Variants in TRIM58 observed in about 807,000 individuals in gnomAD.
TRIM58 encodes the protein E3 ubiquitin-protein ligase TRIM58.
In TRIM58, 38 loss-of-function variants were observed where a neutral mutation model predicts 34.1. That is an observed-to-expected ratio of 1.12 (90% CI 0.86 to 1.46). The LOEUF (loss-of-function observed/expected upper bound fraction) is 1.46. Ranked by LOEUF, TRIM58 falls within the 40% of genes most tolerant of loss-of-function variation. The pLI is 0.00. For missense variants in TRIM58, 677 were observed against 642.0 expected (o/e 1.05, Z -0.59); for synonymous variants, 273 against 275.7 (o/e 0.99, Z 0.10).
rs1245956876 is a variant in TRIM58 at position 247,878,187 on chromosome 1, A to ATAAG, written c.*1701_*1702insGTAA. ...CAAAAATAAATAAATAAATAAATAAATAAATAAATAAATAAATAAATATTA... is the reference window on the plus strand; with the variant it reads ...CAAAAATAAATAAATAAATAAATAAATAAGTAAATAAATAAATAAATAAATATTA... On this transcript the variant is annotated 3_prime_UTR_variant, in exon 6 of 6. Coordinates refer to ENST00000366481, the MANE Select transcript of TRIM58 (RefSeq NM_015431.4). The ATAAG allele has an allele frequency of 6.6e-6, 1 of 151,572 alleles. No individual in the cohort carries two copies. The highest frequency in any genetic ancestry group is 1.5e-5 in the Non-Finnish European group (1 of 67,964). The allele number at this position is 151,572 out of a possible 1,614,324, so 9.4% of individuals were successfully genotyped here.
intron 5 of TRIM58, among the ~76,000 whole-genome samples, chr1:247,874,418 C>T (rs1222163488): frequency 1.3e-5 from 2 of 152,148 alleles, no homozygotes; most frequent in Non-Finnish European, 2.9e-5. Flanking sequence ...GGATCTGCAC[C>T]CATGATCCAG....
chr1:247,876,758 G>T lies in TRIM58; in HGVS notation c.*269G>T. 4 of 444,706 alleles carry T rather than the reference G, an allele frequency of 9.0e-6. No homozygotes were observed. The highest frequency in any genetic ancestry group is 4.0e-5 in the Admixed American group (1 of 24,958). 27.5% of individuals were successfully genotyped at this position (444,706 alleles called of 1,614,324 possible). On this transcript the variant is annotated 3_prime_UTR_variant, in exon 6 of 6. Coordinates refer to ENST00000366481, the MANE Select transcript of TRIM58 (RefSeq NM_015431.4). ...TGTCTTCCTTCAAATTAATGACCTTGGATTACATAAGGATTTCTATGCATT... is the reference window on the plus strand; with the variant it reads ...TGTCTTCCTTCAAATTAATGACCTTTGATTACATAAGGATTTCTATGCATT...
chr1:247,872,954 G>A (rs1293327802), intron 5 of TRIM58, among the ~76,000 whole-genome samples: 2 of 152,212 alleles, frequency 1.3e-5, no homozygotes, highest in East Asian at 1.9e-4. Flanking sequence ...TCTGGGCCGG[G>A]CGCGGTGGCT....
intron 5 of TRIM58, among the ~76,000 whole-genome samples, chr1:247,868,331 C>CA (rs1171692726): frequency 3.3e-5 from 5 of 152,098 alleles, no homozygotes; most frequent in African/African-American, 4.8e-5. Context: ...CCCATACTGA[C>CA]AGAGCTCTAC....
At chr1:247,861,240 C>A (rs937943683) in intron 2 of TRIM58, among the ~76,000 whole-genome samples, 1 of 152,042 alleles carries the variant, frequency 6.6e-6, no homozygotes, top group Admixed American at 6.6e-5. Flanking sequence ...CACGTGTACA[C>A]ACACACACAG....
chr1:247,871,880 A>G (rs551144804), intron 5 of TRIM58, among the ~76,000 whole-genome samples: 1 of 151,984 alleles, frequency 6.6e-6, no homozygotes, highest in South Asian at 2.1e-4. Flanking sequence ...AGAGTATGCA[A>G]AGGGTAATGA....
In TRIM58 at chr1:247,876,217, T is replaced by TC. The variant is rs1275769615; in HGVS notation, c.1193dup (p.Ser399IlefsTer20). ...AGGGAATGAGTACATGGTCCTTGCC[T>TC]CCCCATCAGTGCCTCTTCTCCAACT... is the stretch of plus-strand genomic sequence containing the variant. On this transcript the variant is annotated frameshift_variant, in exon 6 of 6. Coordinates refer to ENST00000366481, the MANE Select transcript of TRIM58 (RefSeq NM_015431.4). LOFTEE classifies it low-confidence loss of function (END_TRUNC). 3.7e-6 allele frequency: 6 copies of TC among 1,614,220 alleles called. No individual in the cohort carries two copies. The highest frequency in any genetic ancestry group is 4.2e-6 in the Non-Finnish European group (5 of 1,180,034).
rs548527571 is a variant in TRIM58, at chr1:247,869,612, C to T, written c.871+1549C>T. Among the ~76,000 whole-genome samples the T allele has an allele frequency of 7.6e-4, 115 of 152,304 alleles. 2 individuals are homozygous for T. In the Middle Eastern group the frequency reaches 0.01, roughly 14 times the overall value. ...TGCCTCCTGCACTGTAGACCAAATA[C>T]GTACTTCACAGTATCATAGGCATGG... On this transcript the variant is annotated intron_variant, in intron 5 of 5. Transcript: ENST00000366481.
At chr1:247,865,431 T>C (rs1355418888) in intron 3 of TRIM58, among the ~76,000 whole-genome samples, 1 of 152,208 alleles carries the variant, frequency 6.6e-6, no homozygotes, top group African/African-American at 2.4e-5. Context: ...ATTGCTGTTT[T>C]TTAGGGATGG....
chr1:247,879,537 GAA>G lies in TRIM58; in HGVS notation c.*3050_*3051del, dbSNP rs1490051180. ...AAAGACCTCCCATTCAACTTAGAGTGAAAGTCAGAATCCTCACAGTGAATCCC... is the reference window on the plus strand; with the variant it reads ...AAAGACCTCCCATTCAACTTAGAGTGAGTCAGAATCCTCACAGTGAATCCC... On this transcript the variant is annotated 3_prime_UTR_variant, in exon 6 of 6. Coordinates refer to ENST00000366481, the MANE Select transcript of TRIM58 (RefSeq NM_015431.4). Among the ~76,000 whole-genome samples, 1 of 151,998 alleles carries G rather than the reference GAA, an allele frequency of 6.6e-6. No individual in the cohort carries two copies. Among genetic ancestry groups the G allele is most frequent in the Non-Finnish European group, 1.5e-5 (1 of 68,020 alleles).
At position 247,876,556 on chromosome 1, in the gene TRIM58, A is replaced by G. The variant is rs1659295080; in HGVS notation, c.*67A>G. 2 of 1,280,334 alleles carry G rather than the reference A, an allele frequency of 1.6e-6. No individual in the cohort carries two copies. The highest frequency in any genetic ancestry group is 2.3e-5 in the Admixed American group (1 of 44,012). The allele number at this position is 1,280,334 out of a possible 1,614,324, so 79.3% of individuals were successfully genotyped here. A position where few individuals can be genotyped will look rare whatever the true frequency, so the allele number is the denominator to read the frequency against. On this transcript the variant is annotated 3_prime_UTR_variant, in exon 6 of 6. Transcript: ENST00000366481. Reference sequence around the variant, plus strand: ...CTGGAGTGGGGTGAAGGATATCAATATACTAAGTTTTAACAGATACCCCAT... The same window carrying G: ...CTGGAGTGGGGTGAAGGATATCAATGTACTAAGTTTTAACAGATACCCCAT...
chr1:247,874,889 A>AAT (rs1370354073), intron 5 of TRIM58, among the ~76,000 whole-genome samples: 9 of 152,164 alleles, frequency 5.9e-5, no homozygotes, highest in Non-Finnish European at 1.2e-4. Context: ...TTGTTGGCAT[A>AAT]ATACAATTCT....
chr1:247,858,516 G>C (rs1663693592), intron 1 of TRIM58, among the ~76,000 whole-genome samples: 1 of 152,018 alleles, frequency 6.6e-6, no homozygotes, highest in Non-Finnish European at 1.5e-5. Flanking sequence ...TGTCAGTCGC[G>C]CTGTAGTGCA....
rs1572566622 is a variant in TRIM58 at position 247,857,404 on chromosome 1, G to A, written c.158G>A (p.Gly53Asp). Residue 53 changes from glycine (G) to aspartate (D), a missense_variant, in exon 1 of 6, where the codon GGC becomes GAC. Gly to Asp is a moderately conservative substitution (Grantham distance 94). Coordinates refer to ENST00000366481, the MANE Select transcript of TRIM58 (RefSeq NM_015431.4). ...FCEKSDGAQG[G>D]VYACPQCRGP... ...GAGAAGTCGGACGGCGCGCAGGGCG[G>A]CGTCTACGCCTGTCCGCAGTGCCGG... 1.3e-6 allele frequency: 2 copies of A among 1,522,306 alleles called. No individual in the cohort carries two copies. Among genetic ancestry groups the A allele is most frequent in the Non-Finnish European group, 1.8e-6 (2 of 1,134,460 alleles). 94.3% of individuals were successfully genotyped at this position (1,522,306 alleles called of 1,614,324 possible).
chr1:247,867,656 C>T (rs1407595781), intron 3 of TRIM58, among the ~76,000 whole-genome samples, 189 bp from the exon 4 acceptor site: 1 of 151,966 alleles, frequency 6.6e-6, no homozygotes, highest in Non-Finnish European at 1.5e-5. Flanking sequence ...CATTGCACTC[C>T]AGCAGCCTGG....
intron 3 of TRIM58, among the ~76,000 whole-genome samples, chr1:247,866,562 C>T (rs1034664567): frequency 3.3e-5 from 5 of 152,172 alleles, no homozygotes; most frequent in Non-Finnish European, 5.9e-5. Context: ...TGAGCCACCC[C>T]GCCTGGCATG....
At chr1:247,858,045 A>G (rs550283758) in intron 1 of TRIM58, among the ~76,000 whole-genome samples, 1 of 152,354 alleles carries the variant, frequency 6.6e-6, no homozygotes, top group Admixed American at 6.5e-5. Context: ...TAAACTTGCC[A>G]TAATAATTCT....
Position 247,870,061 on chromosome 1 carries a change from G to A in TRIM58, c.871+1998G>A, listed in dbSNP as rs769821976. 1.1e-4 allele frequency among the ~76,000 whole-genome samples: 16 copies of A among 152,146 alleles called. 1 individual carries two copies. Among genetic ancestry groups the A allele is most frequent in the Non-Finnish European group, 1.6e-4 (11 of 68,022 alleles). ...GTTTGTGACTAAAGTCTGTCCAGGT[G>A]TATTGATAGACTTGTCTGTCTTCCT... On this transcript the variant is annotated intron_variant, in intron 5 of 5. Coordinates refer to ENST00000366481, the MANE Select transcript of TRIM58 (RefSeq NM_015431.4).
In TRIM58 at chr1:247,857,632, C is replaced by T. The variant is rs1451232845; in HGVS notation, c.386C>T (p.Thr129Met). 3 of 1,241,118 alleles carry T rather than the reference C, an allele frequency of 2.4e-6. No individual in the cohort carries two copies. Among genetic ancestry groups the T allele is most frequent in the Non-Finnish European group, 3.0e-6 (3 of 993,572 alleles). 76.9% of individuals were successfully genotyped at this position (1,241,118 alleles called of 1,614,324 possible). The part of the protein sequence containing the change: ...DAGPEHRTHR[T>M]APLQEAAGSY... The stretch of plus-strand genomic sequence containing the variant: ...GGCCCCGAGCACAGGACGCACCGCA[C>T]GGCGCCGCTGCAGGAGGCCGCCGGC... The change falls in exon 1 of 6, where the codon ACG (threonine) becomes ATG (methionine). Residue 129 changes from threonine to methionine, a missense_variant. Physicochemically the swap from Thr to Met is moderately conservative, Grantham distance 81 (BLOSUM62 -1). Coordinates refer to ENST00000366481, the MANE Select transcript of TRIM58 (RefSeq NM_015431.4).
Sources: gnomAD v4.1 joint callset for allele counts (sites outside exome capture counted in the v4.1 genomes callset) on GRCh38, gnomAD v4.1.1 for gene constraint, MANE v1.5 for transcripts, NCBI Gene and HGNC (gene_info 2026-07-23, HGNC 2026-07-21) for gene names.